Variants in REG1A observed in about 807,000 individuals in gnomAD.
REG1A encodes regenerating family member 1 alpha, also known as lithostathine-1-alpha.
REG1A carries 20 observed loss-of-function variants against 20.7 expected under a neutral mutation model. That is an observed-to-expected ratio of 0.97 (90% confidence interval 0.68 to 1.41). The LOEUF is 1.41. Ranked by LOEUF, REG1A falls within the 40% of genes most tolerant of loss-of-function variation. The probability of loss-of-function intolerance (pLI) is 0.00; values close to 1 mark genes in which losing one functional copy is unlikely to be tolerated. For missense variants in REG1A, 193 were observed against 201.8 expected, an observed-to-expected ratio of 0.96 and a Z score of 0.26; for synonymous variants, 90 against 71.6, an observed-to-expected ratio of 1.26 and a Z score of -1.30.
chr2:79,120,657 T>C (rs1441917823), intron 1 of REG1A, 143 bp downstream of exon 1: 1 of 413,526 alleles, frequency 2.4e-6, no homozygotes, highest in Non-Finnish European at 4.3e-6. Context: ...TTTCAGTTAC[T>C]GAGTCTGTAT....
intron 2 of REG1A, 82 bp downstream of exon 2, chr2:79,121,007 A>G: frequency 9.7e-7 from 1 of 1,034,496 alleles, no homozygotes; most frequent in Non-Finnish European, 1.4e-6. Flanking sequence ...CTACTTGAAA[A>G]AAAAAAAAAA....
At chr2:79,122,252 A>C in intron 4 of REG1A, 127 bp downstream of exon 4, 2 of 972,480 alleles carry the variant, frequency 2.1e-6, no homozygotes, top group Non-Finnish European at 3.0e-6. Flanking sequence ...AGATCCTCTA[A>C]TGTCCTGTGT....
At chr2:79,121,451 A>G (rs897669522) in intron 2 of REG1A, 111 bp from the exon 3 acceptor site, 54 of 848,008 alleles carry the variant, frequency 6.4e-5, no homozygotes, top group Non-Finnish European at 9.6e-5. Context: ...CAGTCATCCC[A>G]TAATAGACTG....
Position 79,120,914 on chromosome 2 carries a change from C to T in REG1A, c.53C>T (p.Ser18Phe), listed in dbSNP as rs761308008. 2 of 1,612,816 alleles carry T rather than the reference C, an allele frequency of 1.2e-6. No homozygotes were observed. The highest frequency in any genetic ancestry group is 1.1e-5 in the South Asian group (1 of 90,976). The change falls in exon 2 of 6, where the codon TCT becomes TTT. Residue 18 changes from serine (S) to phenylalanine (F), a missense_variant. Coordinates refer to ENST00000233735, the MANE Select transcript of REG1A (RefSeq NM_002909.5). The stretch of plus-strand genomic sequence containing the variant: ...CTGATCTCCTGCCTGATGTTTCTGT[C>T]TCAGAGCCAAGGTAAGATCTCTTTT... ...FMLISCLMFL[S>F]QSQGQEAQTE...
chr2:79,123,244 T>A lies in REG1A; in HGVS notation c.*29T>A, dbSNP rs1272335190. On this transcript the variant is annotated 3_prime_UTR_variant, in exon 6 of 6. Coordinates refer to ENST00000233735, the MANE Select transcript of REG1A (RefSeq NM_002909.5). ...CAACTGGAAAATACATGTCTAGAACTGATCCAGCAATTACAACGGAGTCAA... is the reference window on the plus strand; with the variant it reads ...CAACTGGAAAATACATGTCTAGAACAGATCCAGCAATTACAACGGAGTCAA... The A allele has an allele frequency of 1.4e-6, 2 of 1,442,134 alleles. No homozygotes were observed. Among genetic ancestry groups the A allele is most frequent in the Admixed American group, 3.6e-5 (2 of 54,968 alleles). 89.3% of individuals were successfully genotyped at this position (1,442,134 alleles called of 1,614,324 possible). A position where few individuals can be genotyped will look rare whatever the true frequency, so the allele number is the denominator to read the frequency against.
rs1336171875 is a variant in REG1A at position 79,122,898 on chromosome 2, G to A, written c.379G>A (p.Gly127Arg). ...GGTCTCCTACAAGTCCTGGGGCATT[G>A]GAGCCCCAAGCAGTGTTAATCCTGG... is the stretch of plus-strand genomic sequence containing the variant. Reference protein sequence around the residue: ...SLVSYKSWGIGAPSSVNPGYC... With the variant: ...SLVSYKSWGIRAPSSVNPGYC... Residue 127 changes from glycine (G) to arginine (R), a missense_variant, in exon 5 of 6, where the codon GGA becomes AGA. By Grantham distance (125) the Gly-to-Arg change is moderately radical. Coordinates refer to ENST00000233735, the MANE Select transcript of REG1A (RefSeq NM_002909.5). The A allele has an allele frequency of 2.5e-6, 4 of 1,614,008 alleles. No homozygotes were observed. Among genetic ancestry groups the A allele is most frequent in the Non-Finnish European group, 3.4e-6 (4 of 1,179,992 alleles).
chr2:79,121,613 G>A lies in REG1A; in HGVS notation c.116G>A (p.Gly39Asp). The A allele has an allele frequency of 2.5e-6, 4 of 1,614,074 alleles. No homozygotes were observed. The highest frequency in any genetic ancestry group is 2.5e-6 in the Non-Finnish European group (3 of 1,180,014). ...LPQARISCPE[G>D]TNAYRSYCYY... ...CAGGCCCGGATCAGCTGCCCAGAAG[G>A]CACCAATGCCTATCGCTCCTACTGC... Residue 39 changes from glycine to aspartate, a missense_variant, in exon 3 of 6, where the codon GGC becomes GAC. Gly to Asp is a moderately conservative substitution (Grantham distance 94). Coordinates refer to ENST00000233735, the MANE Select transcript of REG1A (RefSeq NM_002909.5).
At chr2:79,122,998 T>C in intron 5 of REG1A, 46 bp downstream of exon 5, 1 of 1,543,282 alleles carries the variant, frequency 6.5e-7, no homozygotes, top group South Asian at 1.1e-5. Context: ...CTCTCCTGCT[T>C]AGCTCCAGGG....
At chr2:79,121,793 T>C (rs1331608004) in intron 3 of REG1A, 113 bp downstream of exon 3, 3 of 1,326,520 alleles carry the variant, frequency 2.3e-6, no homozygotes, top group Admixed American at 3.4e-5. Flanking sequence ...TGCTATACTA[T>C]CATCAGCCCC....
intron 2 of REG1A, 69 bp from the exon 3 acceptor site, chr2:79,121,493 A>G (rs1672885272): frequency 4.8e-6 from 6 of 1,238,850 alleles, no homozygotes; most frequent in Middle Eastern, 1.9e-4. Flanking sequence ...GAACCTCAGA[A>G]GCTCTTACCT....
At chr2:79,121,717 G>A (rs868253362) in intron 3 of REG1A, 37 bp downstream of exon 3, 2 of 1,577,746 alleles carry the variant, frequency 1.3e-6, no homozygotes, top group East Asian at 2.2e-5. Context: ...GGAGACTCAT[G>A]AAGGGAGGGG....
intron 2 of REG1A, 93 bp downstream of exon 2, chr2:79,121,018 A>T (rs965663044): frequency 1.1e-5 from 9 of 812,464 alleles, no homozygotes; most frequent in Non-Finnish European, 1.8e-5. Context: ...AAAAAAAAAA[A>T]GCAGAGTCAC....
chr2:79,120,550 A>G, intron 1 of REG1A, 36 bp downstream of exon 1: 1 of 286,100 alleles, frequency 3.5e-6, no homozygotes, highest in Non-Finnish European at 6.4e-6. Flanking sequence ...CGTCTCTAAC[A>G]TGCACTGTAG....
intron 1 of REG1A, 77 bp from the exon 2 acceptor site, chr2:79,120,739 G>A (rs1336134462): frequency 3.2e-6 from 2 of 625,026 alleles, no homozygotes; most frequent in South Asian, 3.6e-5. Context: ...CAGAAATTCT[G>A]AGAGGAGGTT....
intron 4 of REG1A, 125 bp downstream of exon 4, chr2:79,122,250 TA>T (rs1210454793): frequency 1.0e-6 from 1 of 982,364 alleles, no homozygotes; most frequent in African/African-American, 1.6e-5. Context: ...ACAGATCCTC[TA>T]ATGTCCTGTG....
chr2:79,121,242 C>T (rs1028769108), intron 2 of REG1A, among the ~76,000 whole-genome samples: 1 of 152,108 alleles, frequency 6.6e-6, no homozygotes, highest in Non-Finnish European at 1.5e-5. Flanking sequence ...GGGTGGAGAA[C>T]TGAAGAGAGC....
At chr2:79,123,106 C>G in intron 5 of REG1A, 42 bp from the exon 6 acceptor site, 1 of 1,547,368 alleles carries the variant, frequency 6.5e-7, no homozygotes, top group Non-Finnish European at 8.9e-7. Flanking sequence ...GGGTCATACT[C>G]TTTCGGGTCT....
At chr2:79,121,760 C>T (rs775065248) in intron 3 of REG1A, 80 bp downstream of exon 3, 1 of 1,413,270 alleles carries the variant, frequency 7.1e-7, no homozygotes, top group African/African-American at 1.4e-5. Flanking sequence ...TCAGTGGCTG[C>T]AATGAGATGA....
chr2:79,122,360 A>G (rs528473144), intron 4 of REG1A, among the ~76,000 whole-genome samples: 4 of 152,310 alleles, frequency 2.6e-5, no homozygotes, highest in African/African-American at 2.4e-5. Flanking sequence ...TTTTCAGTCA[A>G]CAAAGCATCT....
Sources: allele counts gnomAD v4.1 joint callset (sites outside exome capture counted in the v4.1 genomes callset), GRCh38; gene constraint gnomAD v4.1.1; transcripts MANE v1.5; gene names NCBI Gene and HGNC (gene_info 2026-07-23, HGNC 2026-07-21).